RAB30: variants seen among roughly 807,000 people sequenced by gnomAD.
RAB30 encodes the protein ras-related protein Rab-30.
In RAB30, 9 loss-of-function variants were observed where a neutral mutation model predicts 25.1. That is an observed-to-expected ratio of 0.36 (90% confidence interval 0.22 to 0.63). The LOEUF is 0.63. Among genes scored for constraint, RAB30 ranks in the 20% least tolerant of loss-of-function variants. The pLI, the probability that RAB30 is intolerant of heterozygous loss-of-function variation, is 0.69. For synonymous variants in RAB30, 77 were observed against 86.4 expected, an observed-to-expected ratio of 0.89 and a Z score of 0.60; for missense variants, 140 against 243.5, an observed-to-expected ratio of 0.58 and a Z score of 2.83.
At chr11:83,015,679 G>A (rs985980617) in intron 1 of RAB30, among the ~76,000 whole-genome samples, 1 of 152,222 alleles carries the variant, frequency 6.6e-6, no homozygotes, top group Non-Finnish European at 1.5e-5. Context: ...TGGATAAATA[G>A]AGAAGAGGGC....
At chr11:83,045,229 C>T (rs1186802986) in intron 1 of RAB30, among the ~76,000 whole-genome samples, 1 of 151,964 alleles carries the variant, frequency 6.6e-6, no homozygotes, top group Non-Finnish European at 1.5e-5. Context: ...TTTATAGAGA[C>T]GAGGTCTCCC....
chr11:83,059,348 T>G (rs1858518477), intron 1 of RAB30, among the ~76,000 whole-genome samples: 1 of 152,228 alleles, frequency 6.6e-6, no homozygotes, highest in Admixed American at 6.5e-5. Flanking sequence ...AATATATCCT[T>G]GGAGATTTTT....
At chr11:83,034,762 C>T (rs1180809903) in intron 1 of RAB30, 4 of 151,968 alleles carry the variant, frequency 2.6e-5, no homozygotes, top group Admixed American at 1.3e-4. Context: ...TTCATCCTCA[C>T]TGTGAGATGG....
At chr11:82,986,388 C>T (rs1856738898) in intron 4 of RAB30, among the ~76,000 whole-genome samples, 1 of 152,200 alleles carries the variant, frequency 6.6e-6, no homozygotes, top group African/African-American at 2.4e-5. Flanking sequence ...ATTCCTCTTT[C>T]ATATTGAACT....
intron 1 of RAB30, among the ~76,000 whole-genome samples, chr11:83,003,259 T>C (rs1344450532): frequency 6.6e-6 from 1 of 152,192 alleles, no homozygotes; most frequent in Non-Finnish European, 1.5e-5. Context: ...TAAAAATATA[T>C]AAATGGTTTT....
intron 1 of RAB30, among the ~76,000 whole-genome samples, chr11:83,012,688 G>A (rs1857330645): frequency 6.6e-6 from 1 of 152,140 alleles, no homozygotes; most frequent in Non-Finnish European, 1.5e-5. Context: ...AAAGAAGAGG[G>A]CCTGGCAAAG....
At chr11:83,042,844 C>T (rs2121515888) in intron 1 of RAB30, among the ~76,000 whole-genome samples, 1 of 152,104 alleles carries the variant, frequency 6.6e-6, no homozygotes, top group East Asian at 1.9e-4. Flanking sequence ...TTAAAAATAT[C>T]ATAAAACACA....
intron 1 of RAB30, among the ~76,000 whole-genome samples, chr11:83,004,235 G>GC: frequency 1.3e-5 from 2 of 152,256 alleles, no homozygotes; most frequent in South Asian, 4.1e-4. Context: ...GCCAGATATA[G>GC]TTTTTTAAAA....
chr11:83,043,694 A>C (rs1372895764), intron 1 of RAB30, among the ~76,000 whole-genome samples: 1 of 152,216 alleles, frequency 6.6e-6, no homozygotes, highest in Non-Finnish European at 1.5e-5. Context: ...GCAAAATGTT[A>C]GCAATTGGTA....
intron 1 of RAB30, among the ~76,000 whole-genome samples, chr11:83,001,097 A>G (rs960816657): frequency 1.3e-5 from 2 of 150,626 alleles, no homozygotes; most frequent in African/African-American, 4.9e-5. Flanking sequence ...ACATTATCTC[A>G]TGTGGTTACC....
chr11:82,995,651 T>C (rs894476988), intron 2 of RAB30, among the ~76,000 whole-genome samples: 4 of 152,222 alleles, frequency 2.6e-5, no homozygotes, highest in African/African-American at 7.2e-5. Flanking sequence ...AAAGAGCTTG[T>C]TGGCAAAAAA....
chr11:83,071,323 C>G (rs957288902), intron 1 of RAB30: 1 of 152,280 alleles, frequency 6.6e-6, no homozygotes, highest in Non-Finnish European at 1.5e-5. Context: ...CACCCCTTCC[C>G]ACTCAAACCT....
At chr11:83,069,092 C>A (rs906533528) in intron 1 of RAB30, among the ~76,000 whole-genome samples, 1 of 152,180 alleles carries the variant, frequency 6.6e-6, no homozygotes, top group Non-Finnish European at 1.5e-5. Context: ...GAGCAAGGAT[C>A]ATTATCCCTT....
At chr11:83,057,201 G>A (rs1261373971) in intron 1 of RAB30, among the ~76,000 whole-genome samples, 1 of 138,370 alleles carries the variant, frequency 7.2e-6, no homozygotes, top group East Asian at 2.1e-4. Flanking sequence ...TCACTTGAGG[G>A]TTTTTTTTTT....
chr11:82,978,987 A>G lies in RAB30; in HGVS notation c.*3178T>C, dbSNP rs1856594442. ...AAATGATTAAAAGACCGAGAAAAAGAAAGGCCAGGAAGAACCCATGGCCTA... is the reference window on the plus strand; with the variant it reads ...AAATGATTAAAAGACCGAGAAAAAGGAAGGCCAGGAAGAACCCATGGCCTA... On this transcript the variant is annotated 3_prime_UTR_variant, in exon 5 of 5. Coordinates refer to ENST00000527633, the MANE Select transcript of RAB30 (RefSeq NM_001286060.2). The G allele has an allele frequency of 6.6e-6, 1 of 152,190 alleles. No individual in the cohort carries two copies. The highest frequency in any genetic ancestry group is 6.5e-5 in the Admixed American group (1 of 15,282). The allele number at this position is 152,190 out of a possible 1,614,324, so 9.4% of individuals were successfully genotyped here.
At position 83,018,318 on chromosome 11, in the gene RAB30, AAAT is replaced by A. The variant is rs1235124580; in HGVS notation, c.-8-20997_-8-20995del. Among the ~76,000 whole-genome samples the A allele has an allele frequency of 2.2e-4, 34 of 151,160 alleles. 1 individual carries two copies. The South Asian group carries it at 6.9e-3, about 31-fold the overall frequency. ...ATCTCAAAAAAAAAAAAAAAAAAAA[AAAT>A]GTTTCCTTTCACCACATCTGCACCA... On this transcript the variant is annotated intron_variant, in intron 1 of 4. Transcript: ENST00000527633.
At chr11:83,062,101 C>T (rs1280517336) in intron 1 of RAB30, among the ~76,000 whole-genome samples, 4 of 152,096 alleles carry the variant, frequency 2.6e-5, no homozygotes, top group Non-Finnish European at 5.9e-5. Flanking sequence ...AAGGCAAGAA[C>T]AGGAAGCAGC....
At chr11:82,984,586 G>A (rs1003963853) in intron 4 of RAB30, among the ~76,000 whole-genome samples, 4 of 152,122 alleles carry the variant, frequency 2.6e-5, no homozygotes, top group South Asian at 2.1e-4. Context: ...GAGTCGGAAC[G>A]CTAGCAGAAC....
At chr11:83,015,001 A>C (rs527606741) in intron 1 of RAB30, among the ~76,000 whole-genome samples, 2 of 152,346 alleles carry the variant, frequency 1.3e-5, no homozygotes, top group East Asian at 3.9e-4. Context: ...ACTGAGGCTG[A>C]GCACATGGTC....
Sources: allele counts gnomAD v4.1 joint callset (sites outside exome capture counted in the v4.1 genomes callset), GRCh38; gene constraint gnomAD v4.1.1; transcripts MANE v1.5; gene names NCBI Gene and HGNC (gene_info 2026-07-23, HGNC 2026-07-21).